The following PRR5L variants were observed in gnomAD, a reference collection of about 807,000 sequenced individuals.
The protein encoded by PRR5L is proline rich 5 like.
A neutral mutation model predicts 36.4 loss-of-function variants in PRR5L; 21 were observed. The observed-to-expected ratio is 0.58, with a 90% confidence interval of 0.41 to 0.83. The LOEUF (loss-of-function observed/expected upper bound fraction) is 0.83. Among genes scored for constraint, PRR5L ranks in the 40% least tolerant of loss-of-function variants. The pLI is 0.00. For missense variants in PRR5L, 381 were observed against 473.3 expected, an observed-to-expected ratio of 0.80 and a Z score of 1.81; for synonymous variants, 188 against 197.0, an observed-to-expected ratio of 0.95 and a Z score of 0.38.
intron 1 of PRR5L, chr11:36,376,349 G>A: frequency 3.5e-6 from 1 of 287,720 alleles, no homozygotes; most frequent in Non-Finnish European, 4.3e-6. Flanking sequence ...GGAGGAAGAG[G>A]AGGAGGAGGA....
intron 1 of PRR5L, among the ~76,000 whole-genome samples, chr11:36,330,427 ATCT>A (rs1856706921): frequency 6.6e-6 from 1 of 152,164 alleles, no homozygotes; most frequent in Non-Finnish European, 1.5e-5. Flanking sequence ...AGTTCTGGAA[ATCT>A]TAACTCAGTC....
chr11:36,350,169 G>A (rs1261286536), intron 1 of PRR5L: 2 of 141,444 alleles, frequency 1.4e-5, no homozygotes, highest in African/African-American at 2.6e-5. Flanking sequence ...TGTGTGGGAG[G>A]GTGGGTGTGT....
intron 1 of PRR5L, among the ~76,000 whole-genome samples, chr11:36,339,142 G>A (rs184144452): frequency 6.6e-6 from 1 of 152,334 alleles, no homozygotes; most frequent in East Asian, 1.9e-4. Flanking sequence ...TCTCAGGTAT[G>A]CCTTTATCAG....
intron 1 of PRR5L, chr11:36,398,932 A>AT (rs1414891295): frequency 1.3e-5 from 2 of 152,226 alleles, no homozygotes; most frequent in African/African-American, 4.8e-5. Flanking sequence ...GATCCTCATA[A>AT]AGGGAGTTAA....
At position 36,462,784 on chromosome 11, in the gene PRR5L, G is replaced by T; in HGVS notation, c.*48G>T. On this transcript the variant is annotated 3_prime_UTR_variant, in exon 9 of 9. Coordinates refer to ENST00000530639, the MANE Select transcript of PRR5L (RefSeq NM_001160167.2). ...ATCTCCTGTTTTGCAACCAGGATGA[G>T]GACCCCTCCATCTCCGTGGATTACT... 1 of 1,493,616 alleles carries T rather than the reference G, an allele frequency of 6.7e-7. No individual in the cohort carries two copies. The highest frequency in any genetic ancestry group is 1.4e-5 in the South Asian group (1 of 73,364). The allele number at this position is 1,493,616 out of a possible 1,614,324, so 92.5% of individuals were successfully genotyped here.
rs376713094 is a variant in PRR5L, at chr11:36,403,237, G to A, written c.165-61G>A. ...CTCCACACACCTTCAGCCCTGAGCT[G>A]CTATTGAAATGGCCCAAGAAGGGAG... On this transcript the variant is annotated intron_variant, in intron 2 of 8. Transcript: ENST00000530639. The A allele has an allele frequency of 8.3e-6, 12 of 1,443,540 alleles. No individual in the cohort carries two copies. The African/African-American group carries it at 8.4e-5, about 10-fold the overall frequency. 89.4% of individuals were successfully genotyped at this position (1,443,540 alleles called of 1,614,324 possible).
intron 1 of PRR5L, among the ~76,000 whole-genome samples, chr11:36,310,826 G>A (rs146194429): frequency 1.2e-3 from 175 of 151,802 alleles, no homozygotes; most frequent in African/African-American, 4.0e-3. Context: ...GTGAAACCCC[G>A]TCTCTACTAA....
intron 1 of PRR5L, among the ~76,000 whole-genome samples, chr11:36,381,858 C>T (rs1433456231): frequency 2.0e-5 from 3 of 151,902 alleles, no homozygotes; most frequent in Non-Finnish European, 2.9e-5. Flanking sequence ...CCTTTCAGGC[C>T]TCAAAAAAGC....
At chr11:36,428,313 C>T (rs898130196) in intron 4 of PRR5L, among the ~76,000 whole-genome samples, 4 of 152,192 alleles carry the variant, frequency 2.6e-5, no homozygotes, top group African/African-American at 9.6e-5. Flanking sequence ...ACTTATAAAA[C>T]ATAAATTCAA....
chr11:36,395,723 A>G (rs908143816), intron 1 of PRR5L, among the ~76,000 whole-genome samples: 1 of 151,824 alleles, frequency 6.6e-6, no homozygotes, highest in Admixed American at 6.6e-5. Context: ...TTTATTTATT[A>G]GTTATTTTTT....
At chr11:36,454,047 T>C (rs1858998170) in intron 8 of PRR5L, 1 of 152,508 alleles carries the variant, frequency 6.6e-6, no homozygotes, top group East Asian at 1.9e-4. Context: ...TGCTGGATGC[T>C]GGACCATGGA....
At position 36,318,617 on chromosome 11, in the gene PRR5L, G is replaced by A. The variant is rs1856582026; in HGVS notation, c.-126+22179G>A. On this transcript the variant is annotated intron_variant, in intron 1 of 8. Coordinates refer to ENST00000530639, the MANE Select transcript of PRR5L (RefSeq NM_001160167.2). ...GTCTAGCATCTAACTAAAAGTGCAAGTGGTTGGTGCAGAAAAGAAAAGGAG... is the reference window on the plus strand; with the variant it reads ...GTCTAGCATCTAACTAAAAGTGCAAATGGTTGGTGCAGAAAAGAAAAGGAG... Among the ~76,000 whole-genome samples the A allele has an allele frequency of 2.0e-5, 3 of 152,230 alleles. No homozygotes were observed. In the South Asian group the frequency reaches 6.2e-4, roughly 31 times the overall value.
chr11:36,439,700 T>G (rs1361572977), intron 6 of PRR5L, among the ~76,000 whole-genome samples: 2 of 152,232 alleles, frequency 1.3e-5, no homozygotes, highest in African/African-American at 4.8e-5. Flanking sequence ...ATCAGAGGTA[T>G]ATAGCATACC....
intron 1 of PRR5L, among the ~76,000 whole-genome samples, chr11:36,317,289 T>A (rs1468767093): frequency 1.3e-5 from 2 of 152,196 alleles, no homozygotes; most frequent in East Asian, 3.8e-4. Context: ...AAACCCCAGC[T>A]CTCTCTCAAT....
chr11:36,350,828 T>C (rs1188786297), intron 1 of PRR5L, among the ~76,000 whole-genome samples: 1 of 148,508 alleles, frequency 6.7e-6, no homozygotes, highest in Non-Finnish European at 1.5e-5. Context: ...TTTAGAATAA[T>C]GGTCTCCAGT....
chr11:36,351,339 TATA>T (rs1191180789), intron 1 of PRR5L, among the ~76,000 whole-genome samples: 3 of 71,170 alleles, frequency 4.2e-5, no homozygotes, highest in African/African-American at 1.6e-4. Context: ...TATATATATT[TATA>T]ATATATAATA....
rs1564937820 is a variant in PRR5L, at chr11:36,403,300, T to C, written c.167T>C (p.Val56Ala). 2 of 1,613,944 alleles carry C rather than the reference T, an allele frequency of 1.2e-6. No individual in the cohort carries two copies. The highest frequency in any genetic ancestry group is 1.7e-6 in the Non-Finnish European group (2 of 1,179,846). Reference protein sequence around the residue: ...QLSSSSAWNSVQTAVINVFKG... With the variant: ...QLSSSSAWNSAQTAVINVFKG... The stretch of plus-strand genomic sequence containing the variant: ...GGGGTTATTCTCTTTTCCTGTAGCG[T>C]TCAGACTGCTGTGATCAACGTTTTC... Residue 56 changes from valine (V) to alanine (A), a missense_variant and splice_region_variant, in exon 3 of 9, where the codon GTT becomes GCT. Physicochemically the swap from Val to Ala is moderately conservative, Grantham distance 64 (BLOSUM62 0). Transcript: ENST00000530639.
intron 1 of PRR5L, among the ~76,000 whole-genome samples, chr11:36,309,853 C>T (rs1332503253): frequency 7.1e-6 from 1 of 140,368 alleles, no homozygotes; most frequent in Non-Finnish European, 1.6e-5. Context: ...AACACAGTCA[C>T]TTTTACAGTT....
intron 1 of PRR5L, among the ~76,000 whole-genome samples, chr11:36,361,917 G>A (rs993076461): frequency 6.6e-6 from 1 of 152,112 alleles, no homozygotes; most frequent in African/African-American, 2.4e-5. Flanking sequence ...TGATACAGAC[G>A]ATTCCAGCAT....
Sources: allele counts gnomAD v4.1 joint callset (sites outside exome capture counted in the v4.1 genomes callset), GRCh38; gene constraint gnomAD v4.1.1; transcripts MANE v1.5; gene names NCBI Gene and HGNC (gene_info 2026-07-23, HGNC 2026-07-21).